Variants in RABGAP1L observed in about 807,000 individuals in gnomAD.
The protein encoded by RABGAP1L is RAB GTPase activating protein 1 like, also known as rab GTPase-activating protein 1-like.
RABGAP1L carries 63 observed loss-of-function variants against 137.7 expected under a neutral mutation model. That is an observed-to-expected ratio of 0.46 (90% CI 0.37 to 0.56). RABGAP1L has a LOEUF of 0.56. RABGAP1L is among the 20% of genes least tolerant of loss of function. The pLI, the probability that RABGAP1L is intolerant of heterozygous loss-of-function variation, is 0.00. For missense variants in RABGAP1L, 1,095 were observed against 1,244.0 expected (o/e 0.88, Z 1.80); for synonymous variants, 431 against 433.7 (o/e 0.99, Z 0.08).
intron 13 of RABGAP1L, among the ~76,000 whole-genome samples, chr1:174,459,444 G>A (rs557980367): frequency 1.2e-4 from 19 of 152,140 alleles, no homozygotes; most frequent in Non-Finnish European, 2.1e-4. Context: ...GATTGGTTCC[G>A]GGATGCCCCA....
intron 3 of RABGAP1L, among the ~76,000 whole-genome samples, chr1:174,229,151 T>G (rs552129201): frequency 2.6e-5 from 4 of 152,284 alleles, no homozygotes; most frequent in Non-Finnish European, 5.9e-5. Flanking sequence ...TTATAGTTCA[T>G]AGAAGCCAGC....
At chr1:174,397,186 A>G (rs1278143955) in intron 13 of RABGAP1L, among the ~76,000 whole-genome samples, 1 of 152,170 alleles carries the variant, frequency 6.6e-6, no homozygotes, top group Non-Finnish European at 1.5e-5. Flanking sequence ...ATTTTCATTG[A>G]ATAAAATATA....
chr1:174,581,112 C>G (rs1023084992), intron 13 of RABGAP1L, among the ~76,000 whole-genome samples: 5 of 152,186 alleles, frequency 3.3e-5, no homozygotes, highest in Non-Finnish European at 7.3e-5. Flanking sequence ...AAACAGCTGA[C>G]ACTTCCTCAA....
chr1:174,620,702 C>A (rs1350683437), intron 13 of RABGAP1L, among the ~76,000 whole-genome samples: 2 of 151,982 alleles, frequency 1.3e-5, no homozygotes, highest in African/African-American at 2.4e-5. Flanking sequence ...AAAATTGACA[C>A]CCTAACATCA....
In RABGAP1L at chr1:174,775,358, G is replaced by A. The variant is rs373944819; in HGVS notation, c.2211+23004G>A. Among the ~76,000 whole-genome samples, 216 of 151,098 alleles carry A rather than the reference G, an allele frequency of 1.4e-3. 10 individuals carry two copies. In the South Asian group the frequency reaches 0.041, roughly 28 times the overall value. Reference sequence around the variant, plus strand: ...GACTGAGTTTCGTTCTTGTTGCCCAGGCTGGAGTGCAATGGTGTGATCTCA... The same window carrying A: ...GACTGAGTTTCGTTCTTGTTGCCCAAGCTGGAGTGCAATGGTGTGATCTCA... On this transcript the variant is annotated intron_variant, in intron 18 of 25. Coordinates refer to ENST00000681986, the MANE Select transcript of RABGAP1L (RefSeq NM_001366446.1).
intron 13 of RABGAP1L, among the ~76,000 whole-genome samples, chr1:174,589,066 A>G (rs1251445386): frequency 1.3e-5 from 2 of 152,220 alleles, no homozygotes; most frequent in African/African-American, 4.8e-5. Context: ...CATTCCCACT[A>G]ACAGTGTACA....
intron 19 of RABGAP1L, among the ~76,000 whole-genome samples, chr1:174,946,939 T>A (rs1406156642): frequency 5.9e-5 from 4 of 67,950 alleles, no homozygotes; most frequent in Admixed American, 1.5e-4. Flanking sequence ...TATATATATA[T>A]ATGTGTGTGT....
rs537950298 is a variant in RABGAP1L, at chr1:174,296,587, G to A, written c.1324-8399G>A. The stretch of plus-strand genomic sequence containing the variant: ...TAATTCAGAAATTATGCATCACTTG[G>A]TATTTTCTTTTTTTGTAATTTATTG... On this transcript the variant is annotated intron_variant, in intron 10 of 25. Transcript: ENST00000681986. 3.8e-4 allele frequency among the ~76,000 whole-genome samples: 58 copies of A among 152,232 alleles called. No individual in the cohort carries two copies. The South Asian group carries it at 0.012, about 31-fold the overall frequency.
At chr1:174,390,974 A>G (rs1308787719) in intron 12 of RABGAP1L, among the ~76,000 whole-genome samples, 1 of 152,192 alleles carries the variant, frequency 6.6e-6, no homozygotes, top group Non-Finnish European at 1.5e-5. Context: ...GTAAAGAGAG[A>G]TAACTTCAAG....
chr1:174,180,828 G>T (rs1347769641), intron 1 of RABGAP1L, among the ~76,000 whole-genome samples: 1 of 151,992 alleles, frequency 6.6e-6, no homozygotes, highest in Non-Finnish European at 1.5e-5. Context: ...TATATTTCTT[G>T]TTGTGTTTTA....
rs1466089409 is a variant in RABGAP1L, at chr1:174,528,943, C to G, written c.1711-108432C>G. Among the ~76,000 whole-genome samples the G allele has an allele frequency of 2.1e-5, 3 of 144,674 alleles. No homozygotes were observed. In the East Asian group the frequency reaches 6.1e-4, roughly 29 times the overall value. The allele number at this position is 144,674 out of a possible 152,430, so 94.9% of individuals were successfully genotyped here. Reference sequence around the variant, plus strand: ...GTTATTTCTAAAGACCTTTCTTCTGCTTGTTCTACTCTTTTGTTGAAGCTG... The same window carrying G: ...GTTATTTCTAAAGACCTTTCTTCTGGTTGTTCTACTCTTTTGTTGAAGCTG... On this transcript the variant is annotated intron_variant, in intron 13 of 25. Coordinates refer to ENST00000681986, the MANE Select transcript of RABGAP1L (RefSeq NM_001366446.1).
chr1:174,199,511 C>T (rs149110555), intron 1 of RABGAP1L, among the ~76,000 whole-genome samples: 57 of 152,190 alleles, frequency 3.7e-4, no homozygotes, highest in Middle Eastern at 3.4e-3. Context: ...AGGCTGGTCT[C>T]GAACTCCTGA....
chr1:174,292,329 CTTTTTTTTTTT>C (rs61636433), intron 10 of RABGAP1L, among the ~76,000 whole-genome samples: 7 of 50,600 alleles, frequency 1.4e-4, no homozygotes, highest in East Asian at 6.9e-4. Context: ...CCTACCTAAT[CTTTTTTTTTTT>C]TTTTTTTTTT....
At chr1:174,860,534 C>T (rs1489020765) in intron 19 of RABGAP1L, among the ~76,000 whole-genome samples, 1 of 152,028 alleles carries the variant, frequency 6.6e-6, no homozygotes, top group Non-Finnish European at 1.5e-5. Context: ...CCCTTGAATC[C>T]TCAAAATAAT....
intron 19 of RABGAP1L, among the ~76,000 whole-genome samples, chr1:174,913,040 A>G (rs1471708096): frequency 6.6e-6 from 1 of 151,968 alleles, no homozygotes; most frequent in East Asian, 1.9e-4. Flanking sequence ...CAATGGCACA[A>G]TCTCAGCTCA....
At chr1:174,643,990 C>A (rs1312303291) in intron 14 of RABGAP1L, among the ~76,000 whole-genome samples, 2 of 151,206 alleles carry the variant, frequency 1.3e-5, no homozygotes, top group African/African-American at 2.4e-5. Context: ...CATACTTACC[C>A]TTTACTCACA....
chr1:174,840,256 T>A (rs1385354160), intron 19 of RABGAP1L, among the ~76,000 whole-genome samples: 1 of 152,186 alleles, frequency 6.6e-6, no homozygotes, highest in East Asian at 1.9e-4. Flanking sequence ...TTATTTTCCT[T>A]CTCCCTTACA....
chr1:174,860,793 T>C lies in RABGAP1L; in HGVS notation c.2340+48833T>C, dbSNP rs185835193. Among the ~76,000 whole-genome samples, 416 of 152,296 alleles carry C rather than the reference T, an allele frequency of 2.7e-3. 1 individual carries two copies. The highest frequency in any genetic ancestry group is 4.4e-3 in the Non-Finnish European group (296 of 68,030). On this transcript the variant is annotated intron_variant, in intron 19 of 25. Coordinates refer to ENST00000681986, the MANE Select transcript of RABGAP1L (RefSeq NM_001366446.1). ...ATAGTTTCTTTCCTTCCCAACCTTA[T>C]TGAGATATAAATGACAAATAAAAAT...
intron 13 of RABGAP1L, among the ~76,000 whole-genome samples, chr1:174,571,271 A>C (rs970574891): frequency 6.6e-6 from 1 of 152,152 alleles, no homozygotes; most frequent in Non-Finnish European, 1.5e-5. Flanking sequence ...AGAGGCTGGG[A>C]AGGGTAGTTT....
Sources: allele counts gnomAD v4.1 joint callset (sites outside exome capture counted in the v4.1 genomes callset), GRCh38; gene constraint gnomAD v4.1.1; transcripts MANE v1.5; gene names NCBI Gene and HGNC (gene_info 2026-07-23, HGNC 2026-07-21).